The following ATRNL1 variants were observed in gnomAD, a reference collection of about 807,000 sequenced individuals.
ATRNL1 encodes attractin like 1.
In ATRNL1, 95 loss-of-function variants were observed where a neutral mutation model predicts 182.7. The ratio of observed to expected loss-of-function variants is 0.52; its 90% CI spans 0.44 to 0.62. The LOEUF (loss-of-function observed/expected upper bound fraction) is 0.62. ATRNL1 is among the 20% of genes least tolerant of loss of function. The probability of loss-of-function intolerance (pLI) is 0.00; values close to 1 mark genes in which losing one functional copy is unlikely to be tolerated. For missense variants in ATRNL1, 1,471 were observed against 1,679.5 expected, an observed-to-expected ratio of 0.88 and a Z score of 2.17; for synonymous variants, 576 against 568.3, an observed-to-expected ratio of 1.01 and a Z score of -0.19.
intron 26 of ATRNL1, among the ~76,000 whole-genome samples, chr10:115,628,283 A>G (rs577195612): frequency 6.6e-6 from 1 of 152,004 alleles, no homozygotes; most frequent in Non-Finnish European, 1.5e-5. Context: ...AGCTATTCTC[A>G]TGGGTGTGAG....
At chr10:115,395,947 A>G (rs1036339871) in intron 20 of ATRNL1, among the ~76,000 whole-genome samples, 5 of 151,822 alleles carry the variant, frequency 3.3e-5, no homozygotes, top group Non-Finnish European at 7.4e-5. Flanking sequence ...TCCAACCATA[A>G]TAATTACAGA....
At chr10:115,698,337 T>C (rs1016714693) in intron 26 of ATRNL1, among the ~76,000 whole-genome samples, 11 of 152,176 alleles carry the variant, frequency 7.2e-5, no homozygotes, top group Non-Finnish European at 1.5e-4. Context: ...TTGCTAAATC[T>C]GATGCCCTTG....
At chr10:115,431,299 G>A (rs1013214406) in intron 21 of ATRNL1, among the ~76,000 whole-genome samples, 4 of 151,922 alleles carry the variant, frequency 2.6e-5, no homozygotes, top group African/African-American at 9.7e-5. Flanking sequence ...CAGCTATGTG[G>A]GAGGCTGAGG....
At position 115,215,681 on chromosome 10, in the gene ATRNL1, T is replaced by A. The variant is rs782056144; in HGVS notation, c.1349-16T>A. 6.4e-7 allele frequency: 1 copy of A among 1,560,312 alleles called. No homozygotes were observed. ...ATACTACTTGAAATTTATAATGTAT[T>A]TTATTTCTGTTACAGCATCAAACAC... is the stretch of plus-strand genomic sequence containing the variant. On this transcript the variant is annotated splice_polypyrimidine_tract_variant and intron_variant, in intron 8 of 28. Coordinates refer to ENST00000355044, the MANE Select transcript of ATRNL1 (RefSeq NM_207303.4).
In ATRNL1 at chr10:115,496,667, G is replaced by C. The variant is rs116838965; in HGVS notation, c.3655-22596G>C. Among the ~76,000 whole-genome samples, 1,198 of 152,186 alleles carry C rather than the reference G, an allele frequency of 7.9e-3. 25 individuals are homozygous for C. Among genetic ancestry groups the C allele is most frequent in the African/African-American group, 0.028 (1,151 of 41,528 alleles). On this transcript the variant is annotated intron_variant, in intron 24 of 28. Transcript: ENST00000355044. ...TAAACTTTCCTCTTAAGTTTGGTTG[G>C]AAATGAAGTTTTTGATTTGAGTTTT...
intron 27 of ATRNL1, among the ~76,000 whole-genome samples, chr10:115,732,533 C>T (rs1947829431): frequency 6.6e-6 from 1 of 152,162 alleles, no homozygotes; most frequent in Admixed American, 6.5e-5. Flanking sequence ...AATTCCTTTA[C>T]ATACACTATC....
At chr10:115,670,334 A>C (rs561907462) in intron 26 of ATRNL1, among the ~76,000 whole-genome samples, 3 of 152,242 alleles carry the variant, frequency 2.0e-5, no homozygotes, top group South Asian at 2.1e-4. Flanking sequence ...ACATTTGCTC[A>C]TTTAATTAGT....
At chr10:115,475,800 A>G (rs1346655275) in intron 24 of ATRNL1, among the ~76,000 whole-genome samples, 7 of 151,188 alleles carry the variant, frequency 4.6e-5, no homozygotes, top group Non-Finnish European at 1.0e-4. Context: ...GAGCTTTTTA[A>G]TCTTCTTATC....
chr10:115,653,178 G>A (rs1165521963), intron 26 of ATRNL1, among the ~76,000 whole-genome samples: 3 of 152,130 alleles, frequency 2.0e-5, no homozygotes, highest in African/African-American at 7.2e-5. Flanking sequence ...AAGCTCTGAT[G>A]TGTCACTTTT....
intron 27 of ATRNL1, among the ~76,000 whole-genome samples, chr10:115,750,421 G>A (rs1948416150): frequency 6.6e-6 from 1 of 151,590 alleles, no homozygotes; most frequent in African/African-American, 2.4e-5. Flanking sequence ...CAGCTATATG[G>A]GAAAAGAGAA....
At chr10:115,114,032 C>T (rs1329150958) in intron 1 of ATRNL1, among the ~76,000 whole-genome samples, 2 of 151,738 alleles carry the variant, frequency 1.3e-5, no homozygotes, top group Admixed American at 6.6e-5. Flanking sequence ...ATTAAAACAG[C>T]GTGATACCTG....
At chr10:115,734,380 T>C (rs1947888876) in intron 27 of ATRNL1, among the ~76,000 whole-genome samples, 2 of 152,150 alleles carry the variant, frequency 1.3e-5, no homozygotes, top group South Asian at 4.1e-4. Flanking sequence ...AATGTTACCT[T>C]CTTTCTTTTA....
At chr10:115,381,127 T>G (rs1185506305) in intron 19 of ATRNL1, among the ~76,000 whole-genome samples, 1 of 152,188 alleles carries the variant, frequency 6.6e-6, no homozygotes, top group African/African-American at 2.4e-5. Context: ...TGCATTTCCC[T>G]AAGGAGTAAT....
chr10:115,647,719 G>A (rs929033668), intron 26 of ATRNL1, among the ~76,000 whole-genome samples: 4 of 152,158 alleles, frequency 2.6e-5, no homozygotes, highest in Admixed American at 6.5e-5. Flanking sequence ...CAGATGAGTA[G>A]ATTGTAAAAA....
At chr10:115,866,932 A>C (rs1951452533) in intron 28 of ATRNL1, among the ~76,000 whole-genome samples, 1 of 152,216 alleles carries the variant, frequency 6.6e-6, no homozygotes, top group Non-Finnish European at 1.5e-5. Flanking sequence ...TGTCACCAGC[A>C]GCTTAAGAAG....
intron 26 of ATRNL1, among the ~76,000 whole-genome samples, chr10:115,686,618 G>A (rs1468184315): frequency 4.6e-5 from 7 of 151,958 alleles, no homozygotes; most frequent in African/African-American, 1.4e-4. Context: ...TGCTCAGTTA[G>A]CATTTGTAAA....
chr10:115,594,587 A>G (rs1555013355), intron 26 of ATRNL1, among the ~76,000 whole-genome samples: 1 of 152,180 alleles, frequency 6.6e-6, no homozygotes, highest in Admixed American at 6.5e-5. Context: ...GCTCACCGCA[A>G]TCTCCGCCTT....
intron 27 of ATRNL1, among the ~76,000 whole-genome samples, chr10:115,758,599 G>C (rs1219229186): frequency 6.6e-6 from 1 of 152,164 alleles, no homozygotes. Context: ...CTGTATACAC[G>C]GGGGTGTCAG....
intron 26 of ATRNL1, among the ~76,000 whole-genome samples, chr10:115,677,006 C>T (rs2133941361): frequency 6.6e-6 from 1 of 152,200 alleles, no homozygotes; most frequent in South Asian, 2.1e-4. Flanking sequence ...AGTACTTCTT[C>T]CATTGCTGTA....
Sources: gnomAD v4.1 joint callset for allele counts (sites outside exome capture counted in the v4.1 genomes callset) on GRCh38, gnomAD v4.1.1 for gene constraint, MANE v1.5 for transcripts, NCBI Gene and HGNC (gene_info 2026-07-23, HGNC 2026-07-21) for gene names.